PLXNA4: variants seen among roughly 807,000 people sequenced by gnomAD.
The protein encoded by PLXNA4 is plexin-A4.
A neutral mutation model predicts 191.8 loss-of-function variants in PLXNA4; 44 were observed. The ratio of observed to expected loss-of-function variants is 0.23; its 90% CI spans 0.18 to 0.29. PLXNA4 has a LOEUF of 0.29. Among genes scored for constraint, PLXNA4 ranks in the 10% least tolerant of loss-of-function variants. The pLI, the probability that PLXNA4 is intolerant of heterozygous loss-of-function variation, is 1.00. For synonymous variants in PLXNA4, 1,082 were observed against 1,009.5 expected, an observed-to-expected ratio of 1.07 and a Z score of -1.36; for missense variants, 1,800 against 2,488.8, an observed-to-expected ratio of 0.72 and a Z score of 5.89.
In PLXNA4 at chr7:132,126,048, G is replaced by A. The variant is rs566266303; in HGVS notation, c.*4431C>T. On this transcript the variant is annotated 3_prime_UTR_variant, in exon 32 of 32. Coordinates refer to ENST00000321063, the MANE Select transcript of PLXNA4 (RefSeq NM_020911.2). ...TGATAACAATACTGGCCCTTTGCTCGGTTAAGTATTTGACTTCACATTACT... is the reference window on the plus strand; with the variant it reads ...TGATAACAATACTGGCCCTTTGCTCAGTTAAGTATTTGACTTCACATTACT... 15 of 152,326 alleles carry A rather than the reference G, an allele frequency of 9.8e-5. No individual in the cohort carries two copies. The highest frequency in any genetic ancestry group is 3.4e-4 in the African/African-American group (14 of 41,546). The allele number at this position is 152,326 out of a possible 1,614,324, so 9.4% of individuals were successfully genotyped here. A position where few individuals can be genotyped will look rare whatever the true frequency, so the allele number is the denominator to read the frequency against.
At chr7:132,465,629 CT>C (rs1285925506) in intron 3 of PLXNA4, among the ~76,000 whole-genome samples, 4 of 152,198 alleles carry the variant, frequency 2.6e-5, no homozygotes, top group African/African-American at 9.6e-5. Context: ...AAGGAATTTT[CT>C]GTTTCTTGGA....
chr7:132,189,567 T>G (rs1266515586), intron 14 of PLXNA4, among the ~76,000 whole-genome samples: 1 of 152,112 alleles, frequency 6.6e-6, no homozygotes, highest in Non-Finnish European at 1.5e-5. Context: ...CCCTCTAGCC[T>G]TGGTACTAAA....
At chr7:132,177,419 G>A (rs894667052) in intron 20 of PLXNA4, among the ~76,000 whole-genome samples, 3 of 152,210 alleles carry the variant, frequency 2.0e-5, no homozygotes, top group Admixed American at 2.0e-4. Context: ...CCCTGTAAAC[G>A]TTCAGTGGCT....
At chr7:132,134,396 T>C (rs1795054801) in intron 30 of PLXNA4, among the ~76,000 whole-genome samples, 1 of 152,148 alleles carries the variant, frequency 6.6e-6, no homozygotes, top group African/African-American at 2.4e-5. Context: ...TCCTGTGCCA[T>C]CTCAGTCATC....
chr7:132,190,415 T>C (rs1797048577), intron 14 of PLXNA4, among the ~76,000 whole-genome samples: 1 of 152,180 alleles, frequency 6.6e-6, no homozygotes, highest in Non-Finnish European at 1.5e-5. Context: ...TGGGAGCTAC[T>C]CAGGAAACAT....
intron 21 of PLXNA4, among the ~76,000 whole-genome samples, chr7:132,170,964 G>A (rs1796267907): frequency 6.6e-6 from 1 of 152,184 alleles, no homozygotes; most frequent in South Asian, 2.1e-4. Flanking sequence ...ACCTCCGGAG[G>A]TGGGACTAGC....
intron 3 of PLXNA4, among the ~76,000 whole-genome samples, chr7:132,337,052 C>A (rs1802844573): frequency 6.6e-6 from 1 of 152,212 alleles, no homozygotes; most frequent in South Asian, 2.1e-4. Context: ...AATAACAAAC[C>A]ATAAAATTAA....
At chr7:132,273,343 C>T (rs552604279) in intron 4 of PLXNA4, among the ~76,000 whole-genome samples, 3 of 146,544 alleles carry the variant, frequency 2.0e-5, no homozygotes, top group Non-Finnish European at 4.4e-5. Flanking sequence ...CACACACACG[C>T]ACACACACAC....
At chr7:132,483,432 C>T (rs971190505) in intron 3 of PLXNA4, among the ~76,000 whole-genome samples, 11 of 152,188 alleles carry the variant, frequency 7.2e-5, no homozygotes, top group African/African-American at 1.7e-4. Context: ...CCTTTCCCAT[C>T]TTTGTTGTCT....
intron 2 of PLXNA4, among the ~76,000 whole-genome samples, chr7:132,602,800 G>A (rs1189389041): frequency 1.3e-5 from 2 of 152,280 alleles, no homozygotes; most frequent in Middle Eastern, 3.4e-3. Flanking sequence ...ATGGTGAGAA[G>A]GTCGTCAGAC....
At chr7:132,565,453 A>T (rs1331653567) in intron 1 of PLXNA4, among the ~76,000 whole-genome samples, 2 of 152,248 alleles carry the variant, frequency 1.3e-5, no homozygotes, top group Non-Finnish European at 2.9e-5. Flanking sequence ...TTCAGAGGGC[A>T]CCATAACTTA....
chr7:132,513,660 T>TTTTTGTTTTG lies in PLXNA4; in HGVS notation c.-86-4891_-86-4882dup, dbSNP rs141114304. On this transcript the variant is annotated intron_variant, in intron 1 of 31. Coordinates refer to ENST00000321063, the MANE Select transcript of PLXNA4 (RefSeq NM_020911.2). ...GAGTCACAGGTGTTTTTTGTTTTAG[T>TTTTTGTTTTG]TTTTGTTTTGTTTTGTTTTGTTTTG... is the stretch of plus-strand genomic sequence containing the variant. Among the ~76,000 whole-genome samples the TTTTTGTTTTG allele has an allele frequency of 2.9e-3, 433 of 150,674 alleles. 1 individual carries two copies. The highest frequency in any genetic ancestry group is 7.1e-3 in the African/African-American group (292 of 40,872).
At chr7:132,406,971 G>A (rs1794246757) in intron 3 of PLXNA4, among the ~76,000 whole-genome samples, 2 of 152,096 alleles carry the variant, frequency 1.3e-5, no homozygotes, top group African/African-American at 4.8e-5. Flanking sequence ...TAATGATAAG[G>A]AAAACAAGCC....
chr7:132,450,834 G>A (rs1236570482), intron 3 of PLXNA4, among the ~76,000 whole-genome samples: 1 of 152,180 alleles, frequency 6.6e-6, no homozygotes, highest in Non-Finnish European at 1.5e-5. Context: ...CTATGGCCTG[G>A]AGCTCCCTGA....
intron 31 of PLXNA4, among the ~76,000 whole-genome samples, chr7:132,131,471 C>T (rs749991856): frequency 6.6e-5 from 10 of 151,758 alleles, no homozygotes; most frequent in Non-Finnish European, 1.2e-4. Context: ...TTGGGTGGAA[C>T]CTACTGATGT....
intron 3 of PLXNA4, among the ~76,000 whole-genome samples, chr7:132,328,447 T>C (rs1234072658): frequency 6.6e-6 from 1 of 152,134 alleles, no homozygotes; most frequent in Non-Finnish European, 1.5e-5. Context: ...CTGTGCAAGA[T>C]GCCTGGGGCT....
chr7:132,599,026 T>G (rs1267133352), intron 2 of PLXNA4, among the ~76,000 whole-genome samples: 1 of 152,198 alleles, frequency 6.6e-6, no homozygotes, highest in African/African-American at 2.4e-5. Flanking sequence ...ATTAAATAGT[T>G]CATCTTTCCC....
intron 6 of PLXNA4, among the ~76,000 whole-genome samples, chr7:132,228,072 C>A (rs1194984626): frequency 6.6e-6 from 1 of 152,172 alleles, no homozygotes; most frequent in African/African-American, 2.4e-5. Flanking sequence ...CTTTGTCATT[C>A]TTTGTCACCC....
intron 3 of PLXNA4, among the ~76,000 whole-genome samples, chr7:132,313,438 G>A (rs893942441): frequency 7.9e-5 from 12 of 152,102 alleles, no homozygotes; most frequent in Non-Finnish European, 1.6e-4. Flanking sequence ...TCTTATCTTG[G>A]TCTAGCCAAA....
Sources: gnomAD v4.1 joint callset for allele counts (sites outside exome capture counted in the v4.1 genomes callset) on GRCh38, gnomAD v4.1.1 for gene constraint, MANE v1.5 for transcripts, NCBI Gene and HGNC (gene_info 2026-07-23, HGNC 2026-07-21) for gene names.